The following FOCAD variants were observed in gnomAD, a reference collection of about 807,000 sequenced individuals.
FOCAD encodes the protein KIAA1797.
In FOCAD, 198 loss-of-function variants were observed where a neutral mutation model predicts 225.6. That is an observed-to-expected ratio of 0.88 (90% CI 0.78 to 0.99). FOCAD has a LOEUF of 0.99. Ranked by LOEUF, FOCAD falls within the 50% of genes least tolerant of loss-of-function variation. FOCAD has a pLI of 0.00. For missense variants in FOCAD, 2,713 were observed against 2,123.6 expected, an observed-to-expected ratio of 1.28 and a Z score of -5.46; for synonymous variants, 897 against 755.0, an observed-to-expected ratio of 1.19 and a Z score of -3.08.
chr9:20,953,712 G>A (rs1837889767), intron 35 of FOCAD, among the ~76,000 whole-genome samples: 2 of 152,186 alleles, frequency 1.3e-5, no homozygotes, highest in African/African-American at 2.4e-5. Flanking sequence ...GGAAAAAATG[G>A]ATTAGAACTG....
chr9:20,826,374 C>T (rs1397059132), intron 15 of FOCAD, among the ~76,000 whole-genome samples: 1 of 152,088 alleles, frequency 6.6e-6, no homozygotes, highest in Non-Finnish European at 1.5e-5. Flanking sequence ...CATCAGACTC[C>T]AAGTTCTTCA....
At chr9:20,913,044 AG>A (rs1286652451) in intron 23 of FOCAD, 90 bp downstream of exon 23, 30 of 1,001,738 alleles carry the variant, frequency 3.0e-5, no homozygotes, top group Non-Finnish European at 4.4e-5. Context: ...TAAGATTAGC[AG>A]GTTTAACCTC....
At position 20,821,726 on chromosome 9, in the gene FOCAD, A is replaced by G. The variant is rs1334022875; in HGVS notation, c.1793+655A>G. ...TTTACAGAAGAAATGGACTTGATGC[A>G]TTTGAAACTGTAGTCCTGCAGTTTC... On this transcript the variant is annotated intron_variant, in intron 14 of 43. Transcript: ENST00000338382. 2.6e-5 allele frequency among the ~76,000 whole-genome samples: 4 copies of G among 152,132 alleles called. No homozygotes were observed. The East Asian group carries it at 7.7e-4, about 29-fold the overall frequency.
rs76495380 is a variant in FOCAD, at chr9:20,844,432, C to T, written c.1921-18146C>T. 4.5e-3 allele frequency among the ~76,000 whole-genome samples: 575 copies of T among 126,532 alleles called. 25 individuals are homozygous for T. In the East Asian group the frequency reaches 0.13, roughly 28 times the overall value. 83.0% of individuals were successfully genotyped at this position (126,532 alleles called of 152,430 possible). On this transcript the variant is annotated intron_variant, in intron 15 of 43. Coordinates refer to ENST00000338382, the MANE Select transcript of FOCAD (RefSeq NM_001375567.1). ...CTGGAATGCAGTGGTGTGATCTCGG[C>T]TCACTGCAACCTCTGCCTCCCAAGT...
intron 4 of FOCAD, among the ~76,000 whole-genome samples, chr9:20,735,290 G>C (rs1232515140): frequency 6.6e-6 from 1 of 151,882 alleles, no homozygotes; most frequent in Non-Finnish European, 1.5e-5. Flanking sequence ...AAACTATCTG[G>C]AATTTTAGTT....
chr9:20,812,342 T>C (rs1251919368), intron 11 of FOCAD, among the ~76,000 whole-genome samples: 4 of 146,362 alleles, frequency 2.7e-5, no homozygotes, highest in Non-Finnish European at 6.2e-5. Flanking sequence ...AAACATTATG[T>C]ATTGTCTCAT....
At chr9:20,770,658 C>G (rs1406517060) in intron 8 of FOCAD, among the ~76,000 whole-genome samples, 13 of 152,178 alleles carry the variant, frequency 8.5e-5, no homozygotes. Context: ...TAGATCCAAA[C>G]CATATCAGAT....
upstream of FOCAD, among the ~76,000 whole-genome samples, chr9:20,682,463 C>T (rs375548768): frequency 2.6e-5 from 4 of 152,156 alleles, no homozygotes; most frequent in African/African-American, 9.7e-5. Context: ...CTTCAGGTTC[C>T]TTATTTATAA....
chr9:20,944,134 CACTT>C (rs1836939475), intron 28 of FOCAD, among the ~76,000 whole-genome samples: 1 of 152,208 alleles, frequency 6.6e-6, no homozygotes, highest in Non-Finnish European at 1.5e-5. Flanking sequence ...AAACATGAAA[CACTT>C]AGTAGTACCT....
At chr9:20,660,355 A>G (rs986574243) in intron 2 of FOCAD, among the ~76,000 whole-genome samples, 10 of 152,196 alleles carry the variant, frequency 6.6e-5, no homozygotes, top group African/African-American at 2.4e-4. Context: ...AGGCAGAGAA[A>G]AAATACCCAA....
chr9:20,757,445 T>C (rs1197191637), intron 5 of FOCAD, among the ~76,000 whole-genome samples: 1 of 152,222 alleles, frequency 6.6e-6, no homozygotes, highest in Non-Finnish European at 1.5e-5. Flanking sequence ...ATTTTATGTT[T>C]TATATAGTCT....
rs560339784 is a variant in FOCAD at position 20,775,309 on chromosome 9, A to T, written c.907-3372A>T. ...TGACCAGCAAAATTAGGCAAAAATG[A>T]TGCTCACTGGGAGGAGATTGGGTAG... On this transcript the variant is annotated intron_variant, in intron 8 of 43. Transcript: ENST00000338382. Among the ~76,000 whole-genome samples the T allele has an allele frequency of 2.0e-5, 3 of 152,218 alleles. No individual in the cohort carries two copies. In the South Asian group the frequency reaches 6.2e-4, roughly 32 times the overall value.
At chr9:20,720,988 C>T (rs1825726584) in intron 4 of FOCAD, among the ~76,000 whole-genome samples, 2 of 152,046 alleles carry the variant, frequency 1.3e-5, no homozygotes, top group African/African-American at 4.8e-5. Context: ...GGGATGTCTT[C>T]CCCCTGATTT....
At chr9:20,971,468 T>C (rs1397333851) in intron 35 of FOCAD, among the ~76,000 whole-genome samples, 1 of 151,948 alleles carries the variant, frequency 6.6e-6, no homozygotes, top group Non-Finnish European at 1.5e-5. Context: ...GGACAGAGTT[T>C]TGCTCCTGTT....
chr9:20,831,208 A>G (rs1228580731), intron 15 of FOCAD, among the ~76,000 whole-genome samples: 1 of 152,032 alleles, frequency 6.6e-6, no homozygotes, highest in Non-Finnish European at 1.5e-5. Flanking sequence ...TCTGTTCCCA[A>G]AGATGTTCAA....
rs184958066 is a variant in FOCAD, at chr9:20,983,132, C to T, written c.4728+686C>T. On this transcript the variant is annotated intron_variant, in intron 39 of 43. Transcript: ENST00000338382. The stretch of plus-strand genomic sequence containing the variant: ...GTCTTTGCATAAGTAGCATCAGCAT[C>T]GCCTTGGAAATGATTAGAAATGTGA... Among the ~76,000 whole-genome samples the T allele has an allele frequency of 1.4e-3, 214 of 152,296 alleles. 1 individual carries two copies. The highest frequency in any genetic ancestry group is 2.2e-3 in the Non-Finnish European group (151 of 68,030).
chr9:20,937,331 C>T (rs1261351119), intron 28 of FOCAD, among the ~76,000 whole-genome samples: 4 of 151,528 alleles, frequency 2.6e-5, no homozygotes, highest in South Asian at 2.1e-4. Flanking sequence ...TCAAACTATA[C>T]TACAAGGCTA....
At position 20,675,564 on chromosome 9, in the gene FOCAD, C is replaced by T. The variant is rs577557068; in HGVS notation, c.-78+16738C>T. 9.2e-5 allele frequency among the ~76,000 whole-genome samples: 14 copies of T among 152,232 alleles called. No homozygotes were observed. In the South Asian group the frequency reaches 1.0e-3, roughly 11 times the overall value. ...AAATGTGAAAATTTACAATGGAAAA[C>T]GTCATCACAGCAGAATTTCTTCACA... On this transcript the variant is annotated intron_variant, in intron 2 of 45. Transcript: ENST00000380249.
chr9:20,695,715 T>G (rs756080295), intron 1 of FOCAD, among the ~76,000 whole-genome samples: 37 of 152,234 alleles, frequency 2.4e-4, no homozygotes, highest in Non-Finnish European at 4.0e-4. Flanking sequence ...GGTTTCAGTT[T>G]ATAATATTTT....
Sources: gnomAD v4.1 joint callset for allele counts (sites outside exome capture counted in the v4.1 genomes callset) on GRCh38, gnomAD v4.1.1 for gene constraint, MANE v1.5 for transcripts, NCBI Gene and HGNC (gene_info 2026-07-23, HGNC 2026-07-21) for gene names.